The following ANXA8 variants were observed in gnomAD, a reference collection of about 807,000 sequenced individuals.
ANXA8 encodes the protein annexin A8.
Under a neutral mutation model 26.8 loss-of-function variants are expected in ANXA8, and 9 were observed. That is an observed-to-expected ratio of 0.34 (90% CI 0.20 to 0.59). The LOEUF (loss-of-function observed/expected upper bound fraction) is 0.59. ANXA8 is among the 20% of genes least tolerant of loss of function. The pLI is 0.84. For synonymous variants in ANXA8, 39 were observed against 94.8 expected (o/e 0.41, Z 3.42); for missense variants, 83 against 238.5 (o/e 0.35, Z 4.29).
At chr10:47,653,236 C>T in the ANXA8 span, among the ~76,000 whole-genome samples, 1 of 150,040 alleles carries the variant, frequency 6.7e-6, no homozygotes, top group Non-Finnish European at 1.5e-5. Flanking sequence ...CACTTGAACT[C>T]GGGAGGTAGA....
chr10:47,744,422 T>TTGGGGGGGGAGGGGGGGAGGGGGGGG, the ANXA8 span, among the ~76,000 whole-genome samples: 1 of 11,728 alleles, frequency 8.5e-5, no homozygotes, highest in Non-Finnish European at 1.5e-4. Context: ...GGGGGGGGGG[T>TTGGGGGGGGAGGGGGGGAGGGGGGGG]TGGGGGGGAG....
the ANXA8 span, among the ~76,000 whole-genome samples, chr10:47,684,469 G>A: frequency 2.6e-5 from 4 of 152,118 alleles, no homozygotes; most frequent in South Asian, 8.3e-4. Context: ...CACTTACAAG[G>A]GTATTTGTTT....
chr10:47,657,258 C>T, the ANXA8 span, among the ~76,000 whole-genome samples: 2 of 151,670 alleles, frequency 1.3e-5, no homozygotes, highest in South Asian at 2.1e-4. Flanking sequence ...GAGACAGGGT[C>T]TTGCTATGTT....
At chr10:47,900,652 A>G in the ANXA8 span, among the ~76,000 whole-genome samples, 1 of 129,382 alleles carries the variant, frequency 7.7e-6, no homozygotes, top group African/African-American at 3.1e-5. Flanking sequence ...ACAATAAATT[A>G]TCTTGATAAA....
the ANXA8 span, among the ~76,000 whole-genome samples, chr10:47,743,755 C>T: frequency 6.7e-6 from 1 of 150,360 alleles, no homozygotes; most frequent in Admixed American, 6.6e-5. Flanking sequence ...CTGCCAGCAC[C>T]CCACGCCCGC....
chr10:47,486,049 A>C (rs1840038622), upstream of ANXA8, among the ~76,000 whole-genome samples: 1 of 151,728 alleles, frequency 6.6e-6, no homozygotes, highest in Non-Finnish European at 1.5e-5. Flanking sequence ...CAGAGGTTAC[A>C]GTGAGCCAAG....
At chr10:47,660,221 GT>G in the ANXA8 span, among the ~76,000 whole-genome samples, 1 of 147,266 alleles carries the variant, frequency 6.8e-6, no homozygotes, top group Non-Finnish European at 1.5e-5. Context: ...AGTGGAAACT[GT>G]TGTTTAATTT....
the ANXA8 span, among the ~76,000 whole-genome samples, chr10:47,958,210 G>C: frequency 6.7e-6 from 1 of 150,066 alleles, no homozygotes; most frequent in African/African-American, 2.5e-5. Flanking sequence ...TCGGCGTGGT[G>C]GTTCATGCCT....
the ANXA8 span, among the ~76,000 whole-genome samples, chr10:47,975,707 T>C: frequency 1.3e-5 from 2 of 151,186 alleles, no homozygotes; most frequent in African/African-American, 4.8e-5. Flanking sequence ...GATGCTCACC[T>C]TGTAGTAATC....
the ANXA8 span, among the ~76,000 whole-genome samples, chr10:47,700,358 A>G: frequency 6.6e-6 from 1 of 151,980 alleles, no homozygotes; most frequent in East Asian, 1.9e-4. Context: ...ACCTACATAT[A>G]GCAATTTAAT....
At chr10:47,952,447 C>A in the ANXA8 span, among the ~76,000 whole-genome samples, 4 of 150,132 alleles carry the variant, frequency 2.7e-5, no homozygotes, top group Non-Finnish European at 4.4e-5. Flanking sequence ...AACAAAAGAT[C>A]AGTTGTTTTC....
the ANXA8 span, among the ~76,000 whole-genome samples, chr10:47,699,180 GT>G: frequency 2.0e-5 from 3 of 149,822 alleles, no homozygotes; most frequent in African/African-American, 7.4e-5. Flanking sequence ...AACCCTGTCT[GT>G]ACTAAAAAGA....
chr10:47,953,668 T>C, the ANXA8 span, among the ~76,000 whole-genome samples: 4 of 149,574 alleles, frequency 2.7e-5, no homozygotes, highest in Admixed American at 2.0e-4. Context: ...ATAACCAGAA[T>C]CTATGCAAAG....
the ANXA8 span, among the ~76,000 whole-genome samples, chr10:47,682,551 C>T: frequency 6.7e-6 from 1 of 149,846 alleles, no homozygotes; most frequent in Non-Finnish European, 1.5e-5. Flanking sequence ...CTCACTGCAA[C>T]CTCCACCTCC....
At chr10:47,555,922 G>A in the ANXA8 span, among the ~76,000 whole-genome samples, 30 of 152,112 alleles carry the variant, frequency 2.0e-4, no homozygotes, top group Middle Eastern at 3.4e-3. Context: ...GTGGAACTGA[G>A]AATGAAGTTA....
At chr10:47,535,920 A>T in the ANXA8 span, among the ~76,000 whole-genome samples, 7 of 7,632 alleles carry the variant, frequency 9.2e-4, no homozygotes, top group South Asian at 5.6e-3. Context: ...GTTAAGCCTT[A>T]CGGGAGACTC....
chr10:47,584,854 A>G, the ANXA8 span, among the ~76,000 whole-genome samples: 2 of 136,492 alleles, frequency 1.5e-5, no homozygotes, highest in Non-Finnish European at 3.0e-5. Context: ...TTGGGAGGCC[A>G]AGGCGGGTGG....
At chr10:47,733,257 T>TTC in the ANXA8 span, among the ~76,000 whole-genome samples, 6 of 107,816 alleles carry the variant, frequency 5.6e-5, no homozygotes, top group Admixed American at 3.1e-4. Context: ...CTTTCTTTCT[T>TTC]TCTTTCTTTC....
the ANXA8 span, among the ~76,000 whole-genome samples, chr10:47,651,130 G>A: frequency 0.033 from 4,949 of 151,054 alleles, 199 homozygotes; most frequent in African/African-American, 0.12. Flanking sequence ...AGCCTGTGCC[G>A]TCGAGGCTGC....
Sources: gnomAD v4.1 joint callset for allele counts (sites outside exome capture counted in the v4.1 genomes callset) on GRCh38, gnomAD v4.1.1 for gene constraint, MANE v1.5 for transcripts, NCBI Gene and HGNC (gene_info 2026-07-23, HGNC 2026-07-21) for gene names.